The following FGF12 variants were observed in gnomAD, a reference collection of about 807,000 sequenced individuals.
FGF12 encodes the protein fibroblast growth factor 12B.
A neutral mutation model predicts 23.6 loss-of-function variants in FGF12; 14 were observed. The observed-to-expected ratio is 0.59, with a 90% CI of 0.39 to 0.93. The LOEUF is 0.93. Among genes scored for constraint, FGF12 ranks in the 40% least tolerant of loss-of-function variants. FGF12 has a pLI of 0.00. For missense variants in FGF12, 175 were observed against 217.8 expected (o/e 0.80, Z 1.24); for synonymous variants, 62 against 77.3 (o/e 0.80, Z 1.04).
chr3:192,461,052 G>A (rs766715999), intron 2 of FGF12, among the ~76,000 whole-genome samples: 1 of 152,098 alleles, frequency 6.6e-6, no homozygotes, highest in Admixed American at 6.6e-5. Flanking sequence ...TCTGTTTCAA[G>A]TAATGTTTAC....
intron 2 of FGF12, among the ~76,000 whole-genome samples, chr3:192,591,157 C>G (rs1336064716): frequency 6.6e-6 from 1 of 151,190 alleles, no homozygotes; most frequent in Non-Finnish European, 1.5e-5. Context: ...CAGGCAAAAC[C>G]CAGTTCCTTC....
intron 4 of FGF12, among the ~76,000 whole-genome samples, chr3:192,212,905 C>T (rs1425177790): frequency 6.6e-6 from 1 of 152,096 alleles, no homozygotes; most frequent in Non-Finnish European, 1.5e-5. Flanking sequence ...ATGTGTAATA[C>T]AATAAAGAGA....
chr3:192,555,477 TACAC>T (rs1711722976), intron 2 of FGF12, among the ~76,000 whole-genome samples: 1 of 151,886 alleles, frequency 6.6e-6, no homozygotes, highest in South Asian at 2.1e-4. Context: ...AACATGATAA[TACAC>T]AATATAAAAA....
chr3:192,208,535 A>G lies in FGF12; in HGVS notation c.229-37879T>C, dbSNP rs535255611. ...GAACATGTTGTAATTTGGATATTTTATATATATACACCAAATTATAAAAGA... is the reference window on the plus strand; with the variant it reads ...GAACATGTTGTAATTTGGATATTTTGTATATATACACCAAATTATAAAAGA... On this transcript the variant is annotated intron_variant, in intron 4 of 5. Transcript: ENST00000445105. Among the ~76,000 whole-genome samples, 12 of 152,312 alleles carry G rather than the reference A, an allele frequency of 7.9e-5. 1 individual carries two copies. The South Asian group carries it at 1.2e-3, about 16-fold the overall frequency.
At chr3:192,293,983 T>C (rs1452756653) in intron 4 of FGF12, among the ~76,000 whole-genome samples, 3 of 152,154 alleles carry the variant, frequency 2.0e-5, no homozygotes, top group Non-Finnish European at 4.4e-5. Context: ...ACTCAAGTTG[T>C]GGGAGGCACC....
rs1722837932 is a variant in FGF12, at chr3:192,460,682, T to TATA, written c.14-100145_14-100144insTAT. Among the ~76,000 whole-genome samples the TATA allele has an allele frequency of 4.9e-5, 7 of 142,444 alleles. No individual in the cohort carries two copies. In the East Asian group the frequency reaches 1.0e-3, roughly 21 times the overall value. The allele number at this position is 142,444 out of a possible 152,430, so 93.4% of individuals were successfully genotyped here. A position where few individuals can be genotyped will look rare whatever the true frequency, so the allele number is the denominator to read the frequency against. On this transcript the variant is annotated intron_variant, in intron 2 of 5. Transcript: ENST00000445105. ...CATATACACACACACACACATATAT[T>TATA]TATATATATATATATATATATATCC...
In FGF12 at chr3:192,409,360, G is replaced by A. The variant is rs1195735293; in HGVS notation, c.14-48822C>T. ...GAGCTCCCCGCCATGGTCCACCCGG[G>A]GCCGCCGCACCGAGCTGGTCTCCGC... On this transcript the variant is annotated intron_variant, in intron 2 of 5. Coordinates refer to ENST00000445105, the MANE Select transcript of FGF12 (RefSeq NM_004113.6). This position sits in a 1 kb window ranked among gnomAD's most constrained non-coding sequence, Gnocchi z 4.8. Among the ~76,000 whole-genome samples, 1 of 152,176 alleles carries A rather than the reference G, an allele frequency of 6.6e-6. No individual in the cohort carries two copies. The highest frequency in any genetic ancestry group is 1.5e-5 in the Non-Finnish European group (1 of 68,014).
intron 2 of FGF12, among the ~76,000 whole-genome samples, chr3:192,670,981 T>G (rs560145322): frequency 1.8e-4 from 28 of 152,320 alleles, no homozygotes; most frequent in Admixed American, 1.8e-3. Flanking sequence ...CTGGCTCAGC[T>G]GGATTGTAGA....
chr3:192,397,337 G>A (rs767684631), intron 2 of FGF12, among the ~76,000 whole-genome samples: 18 of 152,278 alleles, frequency 1.2e-4, no homozygotes, highest in South Asian at 6.2e-4. Context: ...CTACTTTCCC[G>A]AAAAGAAAAT....
intron 2 of FGF12, among the ~76,000 whole-genome samples, chr3:192,371,971 G>T (rs181853786): frequency 6.6e-6 from 1 of 152,196 alleles, no homozygotes; most frequent in Admixed American, 6.5e-5. Context: ...CAGGGGCCAG[G>T]AATAAAAAGC....
intron 2 of FGF12, among the ~76,000 whole-genome samples, chr3:192,552,305 G>A (rs1327823464): frequency 6.6e-6 from 1 of 152,012 alleles, no homozygotes. Flanking sequence ...TGAAAATCCA[G>A]AGGAAGAAGA....
chr3:192,427,662 G>T (rs905641726), intron 2 of FGF12, among the ~76,000 whole-genome samples: 1 of 152,162 alleles, frequency 6.6e-6, no homozygotes, highest in Non-Finnish European at 1.5e-5. Context: ...CCAGTAGTAT[G>T]TGTTTCTGGA....
chr3:192,243,260 G>A (rs1253093085), intron 4 of FGF12, among the ~76,000 whole-genome samples: 1 of 151,908 alleles, frequency 6.6e-6, no homozygotes, highest in Non-Finnish European at 1.5e-5. Context: ...AGAATAACTA[G>A]GATGATCATG....
Position 192,589,756 on chromosome 3 carries a change from T to G in FGF12, c.13+137425A>C, listed in dbSNP as rs1481190019. 2.0e-5 allele frequency among the ~76,000 whole-genome samples: 3 copies of G among 151,904 alleles called. 1 individual carries two copies. Among genetic ancestry groups the G allele is most frequent in the Non-Finnish European group, 4.4e-5 (3 of 67,918 alleles). On this transcript the variant is annotated intron_variant, in intron 2 of 5. Transcript: ENST00000445105. ...GAAGTAAGGTCCCCTGGCAATCTCC[T>G]TTAGTCCCTCACTTTACATAAAGAG...
In FGF12 at chr3:192,483,094, G is replaced by A. The variant is rs193236965; in HGVS notation, c.14-122556C>T. On this transcript the variant is annotated intron_variant, in intron 2 of 5. Coordinates refer to ENST00000445105, the MANE Select transcript of FGF12 (RefSeq NM_004113.6). ...AGTTCTGCATGCCAGTAACCCTGCC[G>A]TCCAGCATTCCTAGACACCTCATTC... is the stretch of plus-strand genomic sequence containing the variant. Among the ~76,000 whole-genome samples, 34 of 152,188 alleles carry A rather than the reference G, an allele frequency of 2.2e-4. 1 individual carries two copies. The highest frequency in any genetic ancestry group is 2.5e-4 in the Non-Finnish European group (17 of 67,994).
chr3:192,638,104 TTG>T (rs1715651297), intron 2 of FGF12, among the ~76,000 whole-genome samples: 1 of 151,984 alleles, frequency 6.6e-6, no homozygotes, highest in Non-Finnish European at 1.5e-5. Context: ...GTGTGTGTGT[TTG>T]TGTGTGTCTA....
intron 2 of FGF12, among the ~76,000 whole-genome samples, chr3:192,617,862 A>G (rs572943242): frequency 9.2e-5 from 14 of 152,258 alleles, no homozygotes; most frequent in African/African-American, 3.4e-4. Context: ...TAGTTTATGA[A>G]TACTCTGGAA....
chr3:192,168,399 T>A (rs543264342), intron 5 of FGF12, among the ~76,000 whole-genome samples: 1 of 152,296 alleles, frequency 6.6e-6, no homozygotes, highest in South Asian at 2.1e-4. Context: ...GCACCTGGAA[T>A]GTTTTTGTCT....
chr3:192,288,286 A>G (rs1352370347), intron 4 of FGF12, among the ~76,000 whole-genome samples: 1 of 152,126 alleles, frequency 6.6e-6, no homozygotes, highest in Non-Finnish European at 1.5e-5. Flanking sequence ...ATTTATAGCA[A>G]TTAATGCAGA....
Sources: allele counts gnomAD v4.1 joint callset (sites outside exome capture counted in the v4.1 genomes callset), GRCh38; gene constraint gnomAD v4.1.1; non-coding constraint Gnocchi (gnomAD v3.1); transcripts MANE v1.5; gene names NCBI Gene and HGNC (gene_info 2026-07-23, HGNC 2026-07-21).